Variants in ZNF592 observed in about 807,000 individuals in gnomAD.
ZNF592 encodes the protein spinocerebellar ataxia, autosomal recessive 5.
ZNF592 carries 11 observed loss-of-function variants against 80.3 expected under a neutral mutation model. That is an observed-to-expected ratio of 0.14 (90% confidence interval 0.09 to 0.23). The LOEUF (loss-of-function observed/expected upper bound fraction) is 0.23. ZNF592 is among the 10% of genes least tolerant of loss of function. ZNF592 has a pLI of 1.00. For missense variants in ZNF592, 1,420 were observed against 1,633.9 expected, an observed-to-expected ratio of 0.87 and a Z score of 2.26; for synonymous variants, 646 against 640.3, an observed-to-expected ratio of 1.01 and a Z score of -0.13.
At position 84,802,215 on chromosome 15, in the gene ZNF592, T is replaced by C; in HGVS notation, c.3626T>C (p.Val1209Ala). ...AEPEEGSGEE[V>A]PMETRENGLE... ...CCAGAGGAGGGCTCCGGGGAGGAGG[T>C]GCCCATGGAGACTAGAGAGAATGGA... Residue 1209 changes from valine to alanine, a missense_variant, in exon 11 of 11, where the codon GTG becomes GCG. By Grantham distance (64) the Val-to-Ala change is moderately conservative. Around this residue, in one of 7 missense-constraint regions of ZNF592, gnomAD observed 145 missense variants for 211.9 expected, o/e 0.68. Coordinates refer to ENST00000560079, the MANE Select transcript of ZNF592 (RefSeq NM_014630.3). 6.3e-7 allele frequency: 1 copy of C among 1,598,858 alleles called. No individual in the cohort carries two copies. Among genetic ancestry groups the C allele is most frequent in the South Asian group, 1.1e-5 (1 of 89,992 alleles).
At position 84,798,442 on chromosome 15, in the gene ZNF592, G is replaced by T. The variant is rs201965611; in HGVS notation, c.2704G>T (p.Val902Leu). ...FKCPECPLLF[V>L]QKPELMQHVK... ...GTGCCCTGAGTGCCCACTCTTGTTCGTGCAGAAGCCGGAGTTGATGCAACA... is the reference window on the plus strand; with the variant it reads ...GTGCCCTGAGTGCCCACTCTTGTTCTTGCAGAAGCCGGAGTTGATGCAACA... The change falls in exon 7 of 11, where the codon GTG becomes TTG. Residue 902 changes from valine (V) to leucine (L), a missense_variant. Val to Leu is a conservative substitution (Grantham distance 32). This residue lies in a region of ZNF592 where 331 missense variants were observed against 347.0 expected (regional missense o/e 0.95). Transcript: ENST00000560079. The surrounding 1 kb of genome is among the most constrained non-coding windows in gnomAD (Gnocchi z 4.5). 3 of 1,614,062 alleles carry T rather than the reference G, an allele frequency of 1.9e-6. No individual in the cohort carries two copies. Among genetic ancestry groups the T allele is most frequent in the African/African-American group, 2.7e-5 (2 of 75,040 alleles).
chr15:84,752,823 C>T (rs1199943654), intron 1 of ZNF592, among the ~76,000 whole-genome samples: 1 of 152,146 alleles, frequency 6.6e-6, no homozygotes, highest in East Asian at 1.9e-4. Context: ...GTGCTCAGAG[C>T]TGATTGGATC....
chr15:84,778,797 T>TG (rs2141981498), intron 3 of ZNF592, among the ~76,000 whole-genome samples: 1 of 152,310 alleles, frequency 6.6e-6, no homozygotes, highest in Non-Finnish European at 1.5e-5. Context: ...GGGCTCTTCC[T>TG]GGGGTTGATC....
intron 1 of ZNF592, among the ~76,000 whole-genome samples, chr15:84,754,290 G>GGC (rs1899098855): frequency 6.6e-6 from 1 of 152,188 alleles, no homozygotes; most frequent in African/African-American, 2.4e-5. Flanking sequence ...TGGGCACGGT[G>GGC]GCTCGTGCTT....
At chr15:84,757,115 A>T (rs76034819) in intron 1 of ZNF592, among the ~76,000 whole-genome samples, 3 of 147,166 alleles carry the variant, frequency 2.0e-5, no homozygotes, top group Non-Finnish European at 4.5e-5. Context: ...TGTCTCAATT[A>T]AAAAAAAAAA....
intron 1 of ZNF592, among the ~76,000 whole-genome samples, chr15:84,748,914 C>G (rs1898929727): frequency 6.6e-6 from 1 of 150,686 alleles, no homozygotes; most frequent in African/African-American, 2.4e-5. Flanking sequence ...GCGACCGCCG[C>G]TGCGACCGCC....
At position 84,798,091 on chromosome 15, in the gene ZNF592, G is replaced by A. The variant is rs756091799; in HGVS notation, c.2576+46G>A. 1 of 1,606,554 alleles carries A rather than the reference G, an allele frequency of 6.2e-7. No homozygotes were observed. Among genetic ancestry groups the A allele is most frequent in the African/African-American group, 1.3e-5 (1 of 74,812 alleles). On this transcript the variant is annotated intron_variant, in intron 6 of 10. Transcript: ENST00000560079. This position sits in a 1 kb window ranked among gnomAD's most constrained non-coding sequence, Gnocchi z 4.5. The stretch of plus-strand genomic sequence containing the variant: ...AGCAGGCCCTGTGGAGCAGAGAGGA[G>A]TAGCCTGGGTGCTGTAGGGGGTGGC...
In ZNF592 at chr15:84,798,459, G is replaced by A; in HGVS notation, c.2721G>A (p.Leu907=). The A allele has an allele frequency of 6.2e-7, 1 of 1,614,018 alleles. No individual in the cohort carries two copies. Among genetic ancestry groups the A allele is most frequent in the Non-Finnish European group, 8.5e-7 (1 of 1,179,908 alleles). Residue 907 remains leucine, a synonymous_variant, in exon 7 of 11, where the codon TTG becomes TTA. Coordinates refer to ENST00000560079, the MANE Select transcript of ZNF592 (RefSeq NM_014630.3). The surrounding 1 kb of genome is among the most constrained non-coding windows in gnomAD (Gnocchi z 4.5). ...CPLLFVQKPE[L]MQHVKSTHGV... ...TCTTGTTCGTGCAGAAGCCGGAGTT[G>A]ATGCAACACGTCAAGGTGGGATGCC... is the stretch of plus-strand genomic sequence containing the variant.
intron 5 of ZNF592, among the ~76,000 whole-genome samples, chr15:84,797,512 T>A (rs1408415778): frequency 6.6e-6 from 1 of 152,220 alleles, no homozygotes; most frequent in Non-Finnish European, 1.5e-5. Flanking sequence ...AAATACTGTT[T>A]ATGCCATTAT....
rs1468613192 is a variant in ZNF592 at position 84,804,546 on chromosome 15, T to C, written c.*2153T>C. 6.6e-6 allele frequency: 1 copy of C among 152,210 alleles called. No homozygotes were observed. The highest frequency in any genetic ancestry group is 2.4e-5 in the African/African-American group (1 of 41,460). 9.4% of individuals were successfully genotyped at this position (152,210 alleles called of 1,614,324 possible). On this transcript the variant is annotated 3_prime_UTR_variant, in exon 11 of 11. Coordinates refer to ENST00000560079, the MANE Select transcript of ZNF592 (RefSeq NM_014630.3). ...CTGTCCTTAGCCAGCTCTTAACAAA[T>C]CCCTTAACCTCACTGTCTCCTCTCC...
chr15:84,757,846 G>C (rs1423669067), intron 1 of ZNF592, among the ~76,000 whole-genome samples: 1 of 151,086 alleles, frequency 6.6e-6, no homozygotes, highest in Non-Finnish European at 1.5e-5. Flanking sequence ...TATTTCAGTA[G>C]AGATGGGGTT....
rs112941640 is a variant in ZNF592 at position 84,781,381 on chromosome 15, C to T, written c.-19-1276C>T. 3.3e-3 allele frequency among the ~76,000 whole-genome samples: 502 copies of T among 151,142 alleles called. 5 individuals are homozygous for T. The highest frequency in any genetic ancestry group is 0.012 in the African/African-American group (492 of 41,130). ...GAATTTTTAATGACTGCGTTATAGT[C>T]TATCAAGTATTTTTTTTTTTTTTTG... is the stretch of plus-strand genomic sequence containing the variant. On this transcript the variant is annotated intron_variant, in intron 3 of 10. Transcript: ENST00000560079.
Position 84,798,228 on chromosome 15 carries a change from CTT to C in ZNF592, c.2577-86_2577-85del. The C allele has an allele frequency of 6.2e-7, 1 of 1,603,510 alleles. No homozygotes were observed. Among genetic ancestry groups the C allele is most frequent in the Non-Finnish European group, 8.5e-7 (1 of 1,174,582 alleles). On this transcript the variant is annotated intron_variant, in intron 6 of 10. Transcript: ENST00000560079. This position sits in a 1 kb window ranked among gnomAD's most constrained non-coding sequence, Gnocchi z 4.5. ...TGGCTCAGGGTAGTGCTTTCCCAAA[CTT>C]GACCCTGGTTCAGAGAGAGCAGAGA...
At position 84,798,653 on chromosome 15, in the gene ZNF592, C is replaced by T. The variant is rs777425847; in HGVS notation, c.2802C>T (p.Ser934=). Reference sequence around the variant, plus strand: ...GCCTCCAGTCTTCAGCGGACACATCCTCAAGCCGCCCTGGCTCTCGAGTTC... The same window carrying T: ...GCCTCCAGTCTTCAGCGGACACATCTTCAAGCCGCCCTGGCTCTCGAGTTC... ...LSSLQSSADT[S]SSRPGSRVPT... is the part of the protein sequence containing the mutation. The change falls in exon 8 of 11, where the codon TCC becomes TCT. Residue 934 remains serine (S), a synonymous_variant. Transcript: ENST00000560079. This position sits in a 1 kb window ranked among gnomAD's most constrained non-coding sequence, Gnocchi z 4.5. 4.9e-5 allele frequency: 79 copies of T among 1,613,858 alleles called. No homozygotes were observed. The highest frequency in any genetic ancestry group is 6.2e-5 in the Non-Finnish European group (73 of 1,180,050).
At chr15:84,765,852 T>C (rs1899500789) in intron 2 of ZNF592, among the ~76,000 whole-genome samples, 1 of 152,060 alleles carries the variant, frequency 6.6e-6, no homozygotes, top group African/African-American at 2.4e-5. Context: ...TGTTTTTAAA[T>C]AATAGCCATC....
Position 84,784,077 on chromosome 15 carries a change from C to G in ZNF592, c.1402C>G (p.Arg468Gly). 1 of 1,613,888 alleles carries G rather than the reference C, an allele frequency of 6.2e-7. No homozygotes were observed. The highest frequency in any genetic ancestry group is 8.5e-7 in the Non-Finnish European group (1 of 1,179,824). The change falls in exon 4 of 11, where the codon CGG becomes GGG. Residue 468 changes from arginine to glycine, a missense_variant. Arg to Gly is a moderately radical substitution (Grantham distance 125). Transcript: ENST00000560079. This position sits in a 1 kb window ranked among gnomAD's most constrained non-coding sequence, Gnocchi z 5.8. ...ATCTCCCAGCTGCAGTTCTGGGCCC[C>G]GGGTCCCAAAGGGGGCTGCCCCAGG... is the stretch of plus-strand genomic sequence containing the variant. ...SSSPSCSSGP[R>G]VPKGAAPGSQ...
In ZNF592 at chr15:84,783,831, G is replaced by A; in HGVS notation, c.1156G>A (p.Glu386Lys). ...RIKTIKTSSGEIKRTVTRILP... is the reference protein window; with the variant it reads ...RIKTIKTSSGKIKRTVTRILP... ...CAAAACCATTAAGACATCATCAGGG[G>A]AAATCAAACGGACTGTCACAAGGAT... The change falls in exon 4 of 11, where the codon GAA becomes AAA. Residue 386 changes from glutamate to lysine, a missense_variant. Transcript: ENST00000560079. The surrounding 1 kb of genome is among the most constrained non-coding windows in gnomAD (Gnocchi z 5.0). The A allele has an allele frequency of 6.2e-7, 1 of 1,614,218 alleles. No individual in the cohort carries two copies. The highest frequency in any genetic ancestry group is 8.5e-7 in the Non-Finnish European group (1 of 1,180,036).
rs2141533670 is a variant in ZNF592 at position 84,805,139 on chromosome 15, C to T, written c.*2746C>T. The T allele has an allele frequency of 6.6e-6, 1 of 152,280 alleles. No individual in the cohort carries two copies. Among genetic ancestry groups the T allele is most frequent in the Admixed American group, 6.5e-5 (1 of 15,288 alleles). The allele number at this position is 152,280 out of a possible 1,614,324, so 9.4% of individuals were successfully genotyped here. ...TTTGGAGTCCATCTGTGCCTTGTCACCCCAAGGAGGGCCTCGAGCATCACA... is the reference window on the plus strand; with the variant it reads ...TTTGGAGTCCATCTGTGCCTTGTCATCCCAAGGAGGGCCTCGAGCATCACA... On this transcript the variant is annotated 3_prime_UTR_variant, in exon 11 of 11. Transcript: ENST00000560079.
intron 2 of ZNF592, among the ~76,000 whole-genome samples, chr15:84,773,870 G>C (rs1325239769): frequency 6.6e-6 from 1 of 152,166 alleles, no homozygotes; most frequent in African/African-American, 2.4e-5. Context: ...GAGGTATGGG[G>C]AACCAAAACT....
Sources: allele counts gnomAD v4.1 joint callset (sites outside exome capture counted in the v4.1 genomes callset), GRCh38; gene constraint gnomAD v4.1.1; regional missense constraint gnomAD v4.1.1; non-coding constraint Gnocchi (gnomAD v3.1); transcripts MANE v1.5; gene names NCBI Gene and HGNC (gene_info 2026-07-23, HGNC 2026-07-21).